Variants in ERI3 observed in about 807,000 individuals in gnomAD.
The protein encoded by ERI3 is ERI1 exoribonuclease family member 3.
In ERI3, 18 loss-of-function variants were observed where a neutral mutation model predicts 44.4. That is an observed-to-expected ratio of 0.41 (90% CI 0.28 to 0.60). The LOEUF (loss-of-function observed/expected upper bound fraction) is 0.60. Among genes scored for constraint, ERI3 ranks in the 20% least tolerant of loss-of-function variants. The pLI is 0.36. For synonymous variants in ERI3, 183 were observed against 164.8 expected (o/e 1.11, Z -0.84); for missense variants, 294 against 435.5 (o/e 0.68, Z 2.89).
chr1:44,330,109 G>T (rs1263386461), intron 3 of ERI3, among the ~76,000 whole-genome samples: 1 of 152,112 alleles, frequency 6.6e-6, no homozygotes, highest in Non-Finnish European at 1.5e-5. Context: ...CATTCCCATG[G>T]ACTCTGGCTT....
chr1:44,301,886 T>G lies in ERI3; in HGVS notation c.758+6424A>C, dbSNP rs527747841. ...TTGTAGGCCTAGGAGCTAGGTTGAT[T>G]CAGACTGGTAGCAAACAGCACACAG... is the stretch of plus-strand genomic sequence containing the variant. On this transcript the variant is annotated intron_variant, in intron 6 of 8. Coordinates refer to ENST00000372257, the MANE Select transcript of ERI3 (RefSeq NM_024066.3). 3.3e-5 allele frequency among the ~76,000 whole-genome samples: 5 copies of G among 152,348 alleles called. No individual in the cohort carries two copies. The South Asian group carries it at 6.2e-4, about 19-fold the overall frequency.
chr1:44,333,505 C>T lies in ERI3; in HGVS notation c.489+5540G>A, dbSNP rs72891790. On this transcript the variant is annotated intron_variant, in intron 3 of 8. Transcript: ENST00000372257. ...GGTGGGTTCTTTCTCCAGGGAATTG[C>T]TTTTCTGTCCACTTAGTCACGGCAG... 6.8e-4 allele frequency among the ~76,000 whole-genome samples: 104 copies of T among 152,266 alleles called. 1 individual carries two copies. The highest frequency in any genetic ancestry group is 2.5e-3 in the African/African-American group (104 of 41,556).
intron 7 of ERI3, among the ~76,000 whole-genome samples, chr1:44,249,552 A>G (rs527703808): frequency 1.3e-5 from 2 of 152,110 alleles, no homozygotes; most frequent in Admixed American, 6.5e-5. Context: ...AAACCTTAGC[A>G]CCCTCTAAAG....
intron 5 of ERI3, among the ~76,000 whole-genome samples, chr1:44,311,334 T>C (rs1018969052): frequency 2.0e-5 from 3 of 152,156 alleles, no homozygotes; most frequent in Non-Finnish European, 2.9e-5. Flanking sequence ...CCTTTTACCA[T>C]GAGTCAGGTA....
chr1:44,313,200 T>G lies in ERI3; in HGVS notation c.635A>C (p.Asp212Ala). The change falls in exon 5 of 9, where the codon GAT (aspartate) becomes GCT (alanine). Residue 212 changes from aspartate (D) to alanine (A), a missense_variant. By Grantham distance (126) the Asp-to-Ala change is moderately radical. Around this residue, in one of 2 missense-constraint regions of ERI3, gnomAD observed 187 missense variants for 338.6 expected, o/e 0.55. Transcript: ENST00000372257. Reference sequence around the variant, plus strand: ...CACTTGCTGCAGGCTTGGCTGACCATCCACCATGGCTTGAATAATCCCGGT... The same window carrying G: ...CACTTGCTGCAGGCTTGGCTGACCAGCCACCATGGCTTGAATAATCCCGGT... The part of the protein sequence containing the change: ...ELTGIIQAMV[D>A]GQPSLQQVLE... 1.2e-6 allele frequency: 2 copies of G among 1,614,108 alleles called. No homozygotes were observed. The highest frequency in any genetic ancestry group is 1.7e-6 in the Non-Finnish European group (2 of 1,180,020).
chr1:44,296,899 T>C (rs981539972), intron 6 of ERI3, among the ~76,000 whole-genome samples: 1 of 152,132 alleles, frequency 6.6e-6, no homozygotes, highest in Non-Finnish European at 1.5e-5. Context: ...AGTGTTTGAG[T>C]GCAGGCTGTG....
At chr1:44,342,123 C>T (rs1414594160) in intron 2 of ERI3, among the ~76,000 whole-genome samples, 3 of 152,118 alleles carry the variant, frequency 2.0e-5, no homozygotes, top group Non-Finnish European at 4.4e-5. Context: ...CAGATATCTA[C>T]AACGGGTGGA....
chr1:44,307,521 C>A (rs1383008538), intron 6 of ERI3, among the ~76,000 whole-genome samples: 2 of 152,116 alleles, frequency 1.3e-5, no homozygotes, highest in East Asian at 3.9e-4. Context: ...CAAACAGTGC[C>A]CCCACCACCT....
chr1:44,261,417 C>A (rs2154320075), intron 7 of ERI3, among the ~76,000 whole-genome samples: 1 of 152,386 alleles, frequency 6.6e-6, no homozygotes, highest in South Asian at 2.1e-4. Flanking sequence ...TGCCTTCATT[C>A]TCCCAGATTA....
At position 44,339,029 on chromosome 1, in the gene ERI3, A is replaced by G; in HGVS notation, c.489+16T>C. On this transcript the variant is annotated intron_variant, in intron 3 of 8. Transcript: ENST00000372257. The stretch of plus-strand genomic sequence containing the variant: ...TGCCCCCCCCACCTTTTCTAAAGCA[A>G]TGATGGAACAGTTACCTGAGGATGA... 6.2e-7 allele frequency: 1 copy of G among 1,605,874 alleles called. No homozygotes were observed. The highest frequency in any genetic ancestry group is 1.1e-5 in the South Asian group (1 of 90,886).
intron 1 of ERI3, chr1:44,353,305 G>C: frequency 7.1e-6 from 7 of 985,378 alleles, no homozygotes; most frequent in Non-Finnish European, 8.4e-6. Context: ...GGTAGGGGTT[G>C]GTTGCCACAA....
At chr1:44,299,995 G>A (rs1645690102) in intron 6 of ERI3, among the ~76,000 whole-genome samples, 1 of 152,122 alleles carries the variant, frequency 6.6e-6, no homozygotes, top group Admixed American at 6.5e-5. Flanking sequence ...GCCCAACTCT[G>A]GGCTAAGGTG....
chr1:44,353,599 C>T (rs1286203973), intron 1 of ERI3: 1 of 985,270 alleles, frequency 1.0e-6, no homozygotes, highest in Non-Finnish European at 1.2e-6. Context: ...ACTCAGATCC[C>T]CTGGGAAAAG....
intron 8 of ERI3, among the ~76,000 whole-genome samples, chr1:44,223,540 T>C (rs2154314828): frequency 6.6e-6 from 1 of 152,298 alleles, no homozygotes; most frequent in South Asian, 2.1e-4. Context: ...GCTGTGCATA[T>C]TAAGAATAAG....
At chr1:44,284,954 C>T in intron 6 of ERI3, 47 bp from the exon 7 acceptor site, 1 of 1,525,318 alleles carries the variant, frequency 6.6e-7, no homozygotes, top group Non-Finnish European at 9.1e-7. Context: ...ATCCATGTCC[C>T]AGGTATGAAG....
At chr1:44,309,510 A>T (rs1645909218) in intron 5 of ERI3, among the ~76,000 whole-genome samples, 1 of 151,878 alleles carries the variant, frequency 6.6e-6, no homozygotes, top group South Asian at 2.1e-4. Context: ...AATAAATAAT[A>T]AATAAAAAGA....
At chr1:44,342,830 T>TATATATATATATATATATAA (rs1646692161) in intron 2 of ERI3, among the ~76,000 whole-genome samples, 1 of 27,878 alleles carries the variant, frequency 3.6e-5, no homozygotes, top group African/African-American at 1.8e-4. Context: ...TATATATATA[T>TATATATATATATATATATAA]ATATATATAT....
At chr1:44,222,710 A>G (rs1023610765) in intron 8 of ERI3, among the ~76,000 whole-genome samples, 1 of 152,190 alleles carries the variant, frequency 6.6e-6, no homozygotes, top group African/African-American at 2.4e-5. Context: ...AGCAGCCACC[A>G]AACTCATTAT....
Position 44,260,325 on chromosome 1 carries a change from C to T in ERI3, c.832-12287G>A, listed in dbSNP as rs532900060. On this transcript the variant is annotated intron_variant, in intron 7 of 8. Coordinates refer to ENST00000372257, the MANE Select transcript of ERI3 (RefSeq NM_024066.3). Reference sequence around the variant, plus strand: ...AGAATGGTGTGTGTTGCTTCTGATCCTGCCTCACTGCACAGGCAGCAATTG... The same window carrying T: ...AGAATGGTGTGTGTTGCTTCTGATCTTGCCTCACTGCACAGGCAGCAATTG... 6.6e-5 allele frequency among the ~76,000 whole-genome samples: 10 copies of T among 152,344 alleles called. No homozygotes were observed. The South Asian group carries it at 2.1e-3, about 32-fold the overall frequency.
Sources: gnomAD v4.1 joint callset for allele counts (sites outside exome capture counted in the v4.1 genomes callset) on GRCh38, gnomAD v4.1.1 for gene constraint, gnomAD v4.1.1 regional missense constraint, MANE v1.5 for transcripts, NCBI Gene and HGNC (gene_info 2026-07-23, HGNC 2026-07-21) for gene names.